NTNG1: variants seen among roughly 807,000 people sequenced by gnomAD.
NTNG1 encodes the protein netrin G1.
In NTNG1, 16 loss-of-function variants were observed where a neutral mutation model predicts 54.0. That is an observed-to-expected ratio of 0.30 (90% CI 0.20 to 0.45). NTNG1 has a LOEUF of 0.45. Among genes scored for constraint, NTNG1 ranks in the 20% least tolerant of loss-of-function variants. NTNG1 has a pLI of 1.00. For synonymous variants in NTNG1, 255 were observed against 263.1 expected (o/e 0.97, Z 0.30); for missense variants, 530 against 678.7 (o/e 0.78, Z 2.43).
At chr1:107,457,577 T>G (rs564512244) in intron 7 of NTNG1, among the ~76,000 whole-genome samples, 42 of 152,294 alleles carry the variant, frequency 2.8e-4, no homozygotes, top group East Asian at 1.5e-3. Flanking sequence ...ATAGATTTTT[T>G]GGGGGTGGGA....
At chr1:107,441,319 T>G (rs1266886092) in intron 7 of NTNG1, among the ~76,000 whole-genome samples, 4 of 152,186 alleles carry the variant, frequency 2.6e-5, no homozygotes, top group Non-Finnish European at 5.9e-5. Flanking sequence ...GGAGGATGTA[T>G]GTAAGACACA....
intron 2 of NTNG1, among the ~76,000 whole-genome samples, chr1:107,273,960 T>TAAGTGCTAAG (rs57640902): frequency 0.99 from 150,280 of 152,324 alleles, 74,167 homozygotes; most frequent in East Asian, 1. Flanking sequence ...GTAACTTGAC[T>TAAGTGCTAAG]AATTTGAGAA....
chr1:107,393,448 A>G (rs1672488298), intron 3 of NTNG1, among the ~76,000 whole-genome samples: 1 of 152,196 alleles, frequency 6.6e-6, no homozygotes, highest in Admixed American at 6.5e-5. Flanking sequence ...TCATAATTAA[A>G]CATTGCCTAT....
At chr1:107,463,394 G>A (rs568041752) in intron 7 of NTNG1, among the ~76,000 whole-genome samples, 6 of 152,104 alleles carry the variant, frequency 3.9e-5, no homozygotes, top group East Asian at 3.9e-4. Flanking sequence ...GTATCATGTC[G>A]TTTATAACTT....
At chr1:107,387,155 T>C (rs1672057319) in intron 3 of NTNG1, among the ~76,000 whole-genome samples, 1 of 152,250 alleles carries the variant, frequency 6.6e-6, no homozygotes, top group African/African-American at 2.4e-5. Context: ...TAAATACCAT[T>C]TTAAACAGTA....
At chr1:107,212,418 T>A (rs1659655338) in intron 2 of NTNG1, among the ~76,000 whole-genome samples, 1 of 152,094 alleles carries the variant, frequency 6.6e-6, no homozygotes, top group Non-Finnish European at 1.5e-5. Context: ...CCGGAAAGAT[T>A]ACAGGTCTTA....
intron 5 of NTNG1, among the ~76,000 whole-genome samples, chr1:107,412,919 A>G (rs2101179540): frequency 6.6e-6 from 1 of 152,276 alleles, no homozygotes; most frequent in Admixed American, 6.5e-5. Flanking sequence ...TCATCAGGAT[A>G]GTTGCTTATA....
At chr1:107,413,156 ATT>A (rs34353313) in intron 5 of NTNG1, among the ~76,000 whole-genome samples, 7 of 144,516 alleles carry the variant, frequency 4.8e-5, no homozygotes, top group South Asian at 2.2e-4. Context: ...TGTTTTGTTC[ATT>A]TTTTTTTTCA....
At chr1:107,198,690 T>C (rs980456003) in intron 2 of NTNG1, among the ~76,000 whole-genome samples, 12 of 151,932 alleles carry the variant, frequency 7.9e-5, no homozygotes, top group African/African-American at 2.7e-4. Flanking sequence ...GTTAGTTGTG[T>C]GACCTCAGGC....
At chr1:107,234,601 T>C (rs1661283835) in intron 2 of NTNG1, among the ~76,000 whole-genome samples, 1 of 152,188 alleles carries the variant, frequency 6.6e-6, no homozygotes, top group Non-Finnish European at 1.5e-5. Flanking sequence ...AGAAAACTGT[T>C]GCACAGAGAG....
intron 2 of NTNG1, among the ~76,000 whole-genome samples, chr1:107,261,736 G>C (rs940129061): frequency 1.1e-4 from 17 of 152,246 alleles, no homozygotes; most frequent in Admixed American, 2.0e-4. Context: ...CCAGCTACTC[G>C]GGAGGCTGAG....
chr1:107,409,619 C>T (rs1339057657), intron 5 of NTNG1: 2 of 152,036 alleles, frequency 1.3e-5, no homozygotes, highest in South Asian at 2.1e-4. Flanking sequence ...CCTTTATTAT[C>T]GAGAACCTAG....
At chr1:107,357,705 A>AT (rs145981770) in intron 3 of NTNG1, among the ~76,000 whole-genome samples, 2 of 151,592 alleles carry the variant, frequency 1.3e-5, no homozygotes. Flanking sequence ...AATTGTAAAT[A>AT]TTTTTTTTTC....
chr1:107,371,917 T>C (rs1428098056), intron 3 of NTNG1, among the ~76,000 whole-genome samples: 1 of 152,038 alleles, frequency 6.6e-6, no homozygotes, highest in East Asian at 1.9e-4. Flanking sequence ...ATCCCTAATA[T>C]GAAATCCAAA....
chr1:107,219,997 G>A (rs561262826), intron 2 of NTNG1, among the ~76,000 whole-genome samples: 1 of 152,310 alleles, frequency 6.6e-6, no homozygotes, highest in South Asian at 2.1e-4. Context: ...ACCAGGGTGA[G>A]TAGAGACAGA....
At chr1:107,188,143 A>ATTT (rs59022050) in intron 2 of NTNG1, among the ~76,000 whole-genome samples, 1 of 150,614 alleles carries the variant, frequency 6.6e-6, no homozygotes, top group African/African-American at 2.4e-5. Flanking sequence ...GTATCAATTG[A>ATTT]TTTTTTTTTT....
intron 1 of NTNG1, among the ~76,000 whole-genome samples, chr1:107,144,852 T>C (rs1430719877): frequency 6.6e-6 from 1 of 152,048 alleles, no homozygotes; most frequent in Non-Finnish European, 1.5e-5. Context: ...AAAGGAGACT[T>C]CTCAGTACTT....
chr1:107,473,262 C>G (rs1678099776), intron 7 of NTNG1, among the ~76,000 whole-genome samples: 1 of 152,172 alleles, frequency 6.6e-6, no homozygotes, highest in Admixed American at 6.5e-5. Context: ...TCAAGCATAG[C>G]AGCTCACTGA....
chr1:107,233,467 A>G (rs945962796), intron 2 of NTNG1, among the ~76,000 whole-genome samples: 4 of 152,194 alleles, frequency 2.6e-5, no homozygotes, highest in Admixed American at 2.0e-4. Flanking sequence ...AATGTGTACA[A>G]TTTCAAAGCC....
Sources: allele counts gnomAD v4.1 joint callset (sites outside exome capture counted in the v4.1 genomes callset), GRCh38; gene constraint gnomAD v4.1.1; transcripts MANE v1.5; gene names NCBI Gene and HGNC (gene_info 2026-07-23, HGNC 2026-07-21).